Variants in BSDC1 observed in about 807,000 individuals in gnomAD.
The protein encoded by BSDC1 is BSD domain-containing protein 1.
A neutral mutation model predicts 56.0 loss-of-function variants in BSDC1; 29 were observed. That is an observed-to-expected ratio of 0.52 (90% CI 0.39 to 0.71). The LOEUF (loss-of-function observed/expected upper bound fraction) is 0.71. BSDC1 is among the 30% of genes least tolerant of loss of function. BSDC1 has a pLI of 0.00. For synonymous variants in BSDC1, 210 were observed against 215.3 expected (o/e 0.98, Z 0.21); for missense variants, 477 against 548.5 (o/e 0.87, Z 1.30).
intron 2 of BSDC1, among the ~76,000 whole-genome samples, chr1:32,387,885 G>GA (rs1642727725): frequency 6.6e-6 from 1 of 152,192 alleles, no homozygotes; most frequent in South Asian, 2.1e-4. Context: ...GCGGTCAAGA[G>GA]AAAGACTAGA....
intron 5 of BSDC1, among the ~76,000 whole-genome samples, chr1:32,379,593 C>T (rs1382595055): frequency 4.6e-5 from 7 of 152,144 alleles, no homozygotes; most frequent in Non-Finnish European, 1.0e-4. Flanking sequence ...TCCTCAGTGT[C>T]TCCTTTTTAT....
At chr1:32,390,042 C>T (rs1049270191) in intron 2 of BSDC1, among the ~76,000 whole-genome samples, 3 of 151,204 alleles carry the variant, frequency 2.0e-5, no homozygotes, top group African/African-American at 4.9e-5. Context: ...CGTCTACAAG[C>T]ATTACAGTCC....
chr1:32,368,776 G>C (rs535672198), intron 9 of BSDC1, among the ~76,000 whole-genome samples: 2 of 152,080 alleles, frequency 1.3e-5, no homozygotes, highest in East Asian at 3.9e-4. Context: ...CCGGCCCACT[G>C]CAACCTCTGC....
chr1:32,378,971 AG>A lies in BSDC1; in HGVS notation c.413-133del. 1.8e-6 allele frequency: 1 copy of A among 548,404 alleles called. No homozygotes were observed. The highest frequency in any genetic ancestry group is 3.0e-6 in the Non-Finnish European group (1 of 333,254). The allele number at this position is 548,404 out of a possible 1,614,324, so 34.0% of individuals were successfully genotyped here. A position where few individuals can be genotyped will look rare whatever the true frequency, so the allele number is the denominator to read the frequency against. The stretch of plus-strand genomic sequence containing the variant: ...TATTCAAAGCCACTTAGCCAAGGGT[AG>A]GGGGTCAGGCAGGGTGAAGGGGCGG... On this transcript the variant is annotated intron_variant, in intron 5 of 10. Coordinates refer to ENST00000455895, the MANE Select transcript of BSDC1 (RefSeq NM_018045.8). The surrounding 1 kb of genome is among the most constrained non-coding windows in gnomAD (Gnocchi z 5.2).
intron 2 of BSDC1, among the ~76,000 whole-genome samples, chr1:32,389,060 T>A (rs1642773262): frequency 6.6e-6 from 1 of 151,708 alleles, no homozygotes; most frequent in South Asian, 2.1e-4. Flanking sequence ...GTTCATGCCA[T>A]TCTCCTGCCT....
intron 4 of BSDC1, 23 bp from the exon 5 acceptor site, chr1:32,381,291 A>T (rs1262608526): frequency 6.2e-7 from 1 of 1,612,086 alleles, no homozygotes; most frequent in Admixed American, 1.7e-5. Context: ...GAGAAGAGGA[A>T]AACAGAAATT....
chr1:32,372,037 C>T (rs537302077), intron 9 of BSDC1, among the ~76,000 whole-genome samples: 2 of 152,332 alleles, frequency 1.3e-5, no homozygotes, highest in South Asian at 4.1e-4. Flanking sequence ...AAGCAGGTAC[C>T]TGTGTGTTCT....
intron 9 of BSDC1, among the ~76,000 whole-genome samples, chr1:32,374,180 T>C (rs772772561): frequency 2.0e-5 from 3 of 152,200 alleles, no homozygotes; most frequent in Non-Finnish European, 4.4e-5. Flanking sequence ...AATATGCATA[T>C]TACTGTGCAT....
chr1:32,382,938 T>C (rs2148131344), intron 4 of BSDC1, among the ~76,000 whole-genome samples: 1 of 151,578 alleles, frequency 6.6e-6, no homozygotes, highest in Admixed American at 6.6e-5. Flanking sequence ...GGCTGTTGCT[T>C]TAAGTGCTCT....
rs777536730 is a variant in BSDC1, at chr1:32,368,477, C to A, written c.1230G>T (p.Met410Ile). 3.0e-5 allele frequency: 48 copies of A among 1,614,068 alleles called. No homozygotes were observed. The South Asian group carries it at 5.2e-4, about 17-fold the overall frequency. The change falls in exon 10 of 11, where the codon ATG becomes ATT. Residue 410 changes from methionine to isoleucine, a missense_variant. Met to Ile is a conservative substitution (Grantham distance 10). Coordinates refer to ENST00000455895, the MANE Select transcript of BSDC1 (RefSeq NM_018045.8). Reference sequence around the variant, plus strand: ...CGGAGGCATCCACTTTGGAAAGTGCCATCTGCACCTCCTCTTCAGTCATGT... The same window carrying A: ...CGGAGGCATCCACTTTGGAAAGTGCAATCTGCACCTCCTCTTCAGTCATGT... ...DLDMTEEEVQ[M>I]ALSKVDASGE...
At chr1:32,383,785 G>A (rs371418658) in intron 4 of BSDC1, 45 bp downstream of exon 4, 42 of 1,582,908 alleles carry the variant, frequency 2.7e-5, no homozygotes, top group Non-Finnish European at 3.6e-5. Flanking sequence ...TTAAAGCCCA[G>A]GTTACAGATG....
chr1:32,378,176 A>G lies in BSDC1; in HGVS notation c.597+39T>C. 6.2e-7 allele frequency: 1 copy of G among 1,611,248 alleles called. No individual in the cohort carries two copies. The highest frequency in any genetic ancestry group is 8.5e-7 in the Non-Finnish European group (1 of 1,177,394). ...TCAATAAATCCAGCCTGCTTCCCCC[A>G]GGGTTGAGTGGGGACCTCCCCATGC... On this transcript the variant is annotated intron_variant, in intron 7 of 10. Transcript: ENST00000455895. The surrounding 1 kb of genome is among the most constrained non-coding windows in gnomAD (Gnocchi z 5.2).
Position 32,378,626 on chromosome 1 carries a change from C to A in BSDC1, c.528+98G>T. On this transcript the variant is annotated intron_variant, in intron 6 of 10. Transcript: ENST00000455895. The surrounding 1 kb of genome is among the most constrained non-coding windows in gnomAD (Gnocchi z 5.2). ...CTCTATGGAGCCTCCCAGTGCTCTC[C>A]GGGCCAGATGACTCTGCAGTGACTC... 1 of 877,868 alleles carries A rather than the reference C, an allele frequency of 1.1e-6. No homozygotes were observed. 54.4% of individuals were successfully genotyped at this position (877,868 alleles called of 1,614,324 possible). A position where few individuals can be genotyped will look rare whatever the true frequency, so the allele number is the denominator to read the frequency against.
chr1:32,378,774 A>C lies in BSDC1; in HGVS notation c.478T>G (p.Ser160Ala), dbSNP rs1288507768. 6.4e-7 allele frequency: 1 copy of C among 1,553,946 alleles called. No individual in the cohort carries two copies. The highest frequency in any genetic ancestry group is 1.7e-4 in the Middle Eastern group (1 of 5,968). The part of the protein sequence containing the change: ...FCLEEKKGEI[S>A]ELLVGSPSIR... Reference sequence around the variant, plus strand: ...GAGGGGCTGCCTACAAGGAGCTCTGAGATCTCCCCCTTCTTCTCCTCCAAG... The same window carrying C: ...GAGGGGCTGCCTACAAGGAGCTCTGCGATCTCCCCCTTCTTCTCCTCCAAG... Residue 160 changes from serine to alanine, a missense_variant, in exon 6 of 11, where the codon TCA (serine) becomes GCA (alanine). Coordinates refer to ENST00000455895, the MANE Select transcript of BSDC1 (RefSeq NM_018045.8). The surrounding 1 kb of genome is among the most constrained non-coding windows in gnomAD (Gnocchi z 5.2).
intron 9 of BSDC1, among the ~76,000 whole-genome samples, chr1:32,372,100 T>G (rs1479915138): frequency 6.6e-6 from 1 of 152,212 alleles, no homozygotes; most frequent in Non-Finnish European, 1.5e-5. Flanking sequence ...ATTAGAGGTA[T>G]GAATGTAAAG....
intron 2 of BSDC1, among the ~76,000 whole-genome samples, chr1:32,389,100 G>A (rs527667603): frequency 3.3e-5 from 5 of 151,790 alleles, no homozygotes; most frequent in Non-Finnish European, 5.9e-5. Context: ...GACTACAGGC[G>A]CCCGCCACCA....
intron 9 of BSDC1, among the ~76,000 whole-genome samples, chr1:32,371,600 G>A (rs948646343): frequency 3.3e-5 from 5 of 151,786 alleles, no homozygotes; most frequent in Non-Finnish European, 5.9e-5. Context: ...GTGAGCCACC[G>A]CACCCAGCCT....
intron 1 of BSDC1, 23 bp downstream of exon 1, chr1:32,394,381 T>C: frequency 1.2e-6 from 2 of 1,613,896 alleles, no homozygotes; most frequent in South Asian, 1.1e-5. Flanking sequence ...CCCCAACGCC[T>C]AGGAGCAAAA....
chr1:32,381,039 A>G (rs1642462085), intron 5 of BSDC1, among the ~76,000 whole-genome samples, 175 bp downstream of exon 5: 1 of 152,174 alleles, frequency 6.6e-6, no homozygotes, highest in Non-Finnish European at 1.5e-5. Flanking sequence ...CAAGTTCAGG[A>G]AAGAAAAGAG....
Sources: gnomAD v4.1 joint callset for allele counts (sites outside exome capture counted in the v4.1 genomes callset) on GRCh38, gnomAD v4.1.1 for gene constraint, Gnocchi (gnomAD v3.1) non-coding constraint, MANE v1.5 for transcripts, NCBI Gene and HGNC (gene_info 2026-07-23, HGNC 2026-07-21) for gene names.